The following SLIT3 variants were observed in gnomAD, a reference collection of about 807,000 sequenced individuals.
The protein encoded by SLIT3 is slit homolog 3 protein.
A neutral mutation model predicts 184.0 loss-of-function variants in SLIT3; 68 were observed. That is an observed-to-expected ratio of 0.37 (90% confidence interval 0.30 to 0.45). The LOEUF is 0.45. SLIT3 is among the 20% of genes least tolerant of loss of function. The pLI, the probability that SLIT3 is intolerant of heterozygous loss-of-function variation, is 1.00. For missense variants in SLIT3, 1,707 were observed against 2,026.0 expected, an observed-to-expected ratio of 0.84 and a Z score of 3.02; for synonymous variants, 831 against 828.6, an observed-to-expected ratio of 1.00 and a Z score of -0.05.
intron 4 of SLIT3, among the ~76,000 whole-genome samples, chr5:169,004,339 C>G (rs1381542290): frequency 2.6e-5 from 4 of 152,200 alleles, no homozygotes; most frequent in Admixed American, 6.5e-5. Context: ...CATCTTCCCC[C>G]AGCTGGGCTG....
At chr5:169,151,319 T>C (rs1762111335) in intron 4 of SLIT3, among the ~76,000 whole-genome samples, 1 of 152,176 alleles carries the variant, frequency 6.6e-6, no homozygotes, top group African/African-American at 2.4e-5. Flanking sequence ...CTTCCCCTTT[T>C]ATAGGGATCA....
At chr5:168,783,234 C>G (rs547926073) in intron 12 of SLIT3, among the ~76,000 whole-genome samples, 5 of 151,932 alleles carry the variant, frequency 3.3e-5, no homozygotes, top group African/African-American at 4.8e-5. Context: ...ATGCTTAGGA[C>G]AGCTGGGGCT....
chr5:169,101,675 G>T (rs1387933327), intron 4 of SLIT3, among the ~76,000 whole-genome samples: 1 of 152,176 alleles, frequency 6.6e-6, no homozygotes, highest in African/African-American at 2.4e-5. Flanking sequence ...TCAGTTTCAA[G>T]AAAAATGATC....
rs569840649 is a variant in SLIT3, at chr5:169,197,063, G to A, written c.342-3513C>T. ...TCGGTTTGCTGAAAACCCTAAACCA[G>A]AGTTGAAGCTAAAAATAAAACCAGC... On this transcript the variant is annotated intron_variant, in intron 3 of 35. Transcript: ENST00000519560. Among the ~76,000 whole-genome samples the A allele has an allele frequency of 3.3e-5, 5 of 152,304 alleles. No individual in the cohort carries two copies. The East Asian group carries it at 9.6e-4, about 29-fold the overall frequency.
At chr5:169,002,300 G>GA in intron 4 of SLIT3, among the ~76,000 whole-genome samples, 1 of 95,990 alleles carries the variant, frequency 1.0e-5, no homozygotes, top group Non-Finnish European at 1.9e-5. Context: ...TCCAGCCTGA[G>GA]CAACAGAACG....
At chr5:168,694,322 T>C (rs1761990706) in intron 28 of SLIT3, among the ~76,000 whole-genome samples, 1 of 152,230 alleles carries the variant, frequency 6.6e-6, no homozygotes, top group African/African-American at 2.4e-5. Flanking sequence ...GTCATCTCTC[T>C]TCTGGCACTA....
At chr5:168,933,809 T>A (rs1427766844) in intron 4 of SLIT3, among the ~76,000 whole-genome samples, 1 of 151,968 alleles carries the variant, frequency 6.6e-6, no homozygotes, top group Non-Finnish European at 1.5e-5. Context: ...GAATAAGCAA[T>A]AAAGGAAAAG....
intron 12 of SLIT3, among the ~76,000 whole-genome samples, chr5:168,774,946 C>A (rs1755691435): frequency 6.6e-6 from 1 of 152,096 alleles, no homozygotes; most frequent in South Asian, 2.1e-4. Flanking sequence ...ACAGAGAGCA[C>A]AGAGCCCCAT....
chr5:168,749,434 G>C, intron 19 of SLIT3, 38 bp downstream of exon 19: 1 of 1,611,554 alleles, frequency 6.2e-7, no homozygotes, highest in African/African-American at 1.3e-5. Flanking sequence ...TGCCTTCCCA[G>C]GGCCTTCCCC....
intron 4 of SLIT3, among the ~76,000 whole-genome samples, chr5:168,999,476 T>G (rs1368151098): frequency 6.6e-6 from 1 of 151,514 alleles, no homozygotes; most frequent in Non-Finnish European, 1.5e-5. Flanking sequence ...GGGTGCTGAG[T>G]GATAACTAAT....
chr5:168,807,680 G>A (rs1464526921), intron 8 of SLIT3, among the ~76,000 whole-genome samples: 1 of 152,122 alleles, frequency 6.6e-6, no homozygotes, highest in Non-Finnish European at 1.5e-5. Flanking sequence ...GCTTGGACAT[G>A]GGGCCTCTGG....
At chr5:169,041,251 T>C (rs184403471) in intron 4 of SLIT3, among the ~76,000 whole-genome samples, 3 of 152,346 alleles carry the variant, frequency 2.0e-5, no homozygotes, top group African/African-American at 7.2e-5. Context: ...TCGACAAACA[T>C]ATACCGAGCA....
At chr5:169,259,326 T>TG (rs753632789) in intron 1 of SLIT3, among the ~76,000 whole-genome samples, 1 of 152,248 alleles carries the variant, frequency 6.6e-6, no homozygotes, top group East Asian at 1.9e-4. Context: ...CCCAAAGTGC[T>TG]GGGATTACAG....
intron 4 of SLIT3, among the ~76,000 whole-genome samples, chr5:169,151,458 G>A (rs745426880): frequency 3.3e-5 from 5 of 152,180 alleles, no homozygotes; most frequent in Non-Finnish European, 5.9e-5. Context: ...AAGCCAGCCT[G>A]GAATAACAGC....
intron 4 of SLIT3, among the ~76,000 whole-genome samples, chr5:169,145,649 T>C (rs1652526407): frequency 6.6e-6 from 1 of 152,188 alleles, no homozygotes; most frequent in Admixed American, 6.5e-5. Flanking sequence ...AACTGCATAC[T>C]CATACATGCA....
chr5:169,169,259 C>T (rs923339564), intron 4 of SLIT3, among the ~76,000 whole-genome samples: 1 of 152,144 alleles, frequency 6.6e-6, no homozygotes. Context: ...CTTTTCTGAC[C>T]TCAGAGTCAT....
chr5:168,823,030 T>G (rs1229646842), intron 7 of SLIT3, among the ~76,000 whole-genome samples: 1 of 152,216 alleles, frequency 6.6e-6, no homozygotes, highest in African/African-American at 2.4e-5. Flanking sequence ...GAAATGAGTC[T>G]GTCTGACGCA....
intron 13 of SLIT3, 71 bp from the exon 14 acceptor site, chr5:168,773,015 C>A: frequency 1.4e-6 from 2 of 1,462,394 alleles, no homozygotes; most frequent in Admixed American, 4.6e-5. Flanking sequence ...CACCCTGCCT[C>A]GCGCTGGGCC....
chr5:168,679,326 G>A (rs1452397056), intron 32 of SLIT3, among the ~76,000 whole-genome samples: 2 of 152,174 alleles, frequency 1.3e-5, no homozygotes, highest in African/African-American at 4.8e-5. Context: ...CAAGAATGCT[G>A]GAGTTACAGG....
Sources: allele counts gnomAD v4.1 joint callset (sites outside exome capture counted in the v4.1 genomes callset), GRCh38; gene constraint gnomAD v4.1.1; transcripts MANE v1.5; gene names NCBI Gene and HGNC (gene_info 2026-07-23, HGNC 2026-07-21).